Variants in SGMS2 observed in about 807,000 individuals in gnomAD.
The protein encoded by SGMS2 is phosphatidylcholine:ceramide cholinephosphotransferase 2.
SGMS2 carries 21 observed loss-of-function variants against 43.8 expected under a neutral mutation model. The ratio of observed to expected loss-of-function variants is 0.48; its 90% CI spans 0.34 to 0.69. SGMS2 has a LOEUF of 0.69. SGMS2 is among the 30% of genes least tolerant of loss of function. The probability of loss-of-function intolerance (pLI) is 0.01; values close to 1 mark genes in which losing one functional copy is unlikely to be tolerated. For synonymous variants in SGMS2, 167 were observed against 160.6 expected, an observed-to-expected ratio of 1.04 and a Z score of -0.30; for missense variants, 384 against 443.2, an observed-to-expected ratio of 0.87 and a Z score of 1.20.
In SGMS2 at chr4:107,865,968, C is replaced by CA. The variant is rs535925978; in HGVS notation, c.-245+7417dup. 1.2e-4 allele frequency among the ~76,000 whole-genome samples: 18 copies of CA among 152,218 alleles called. No homozygotes were observed. The South Asian group carries it at 3.7e-3, about 32-fold the overall frequency. ...AGATCAACCATAATATGCCAATGGC[C>CA]AATCATTTAGCATAGCCCCTTATTT... On this transcript the variant is annotated intron_variant, in intron 2 of 6. Coordinates refer to ENST00000690982, the MANE Select transcript of SGMS2 (RefSeq NM_001375905.1).
chr4:107,826,653 G>GT (rs113271634), intron 1 of SGMS2, among the ~76,000 whole-genome samples: 10,362 of 146,520 alleles, frequency 0.071, 758 homozygotes, highest in African/African-American at 0.19. Flanking sequence ...TGGTTGAAGT[G>GT]TTTTTTTTTT....
chr4:107,845,361 A>G (rs1726751944), intron 1 of SGMS2, among the ~76,000 whole-genome samples: 1 of 152,198 alleles, frequency 6.6e-6, no homozygotes, highest in African/African-American at 2.4e-5. Context: ...GAAGAGGAGC[A>G]TGTGGCCATT....
chr4:107,891,485 G>C (rs540856720), intron 2 of SGMS2, among the ~76,000 whole-genome samples: 5 of 147,458 alleles, frequency 3.4e-5, no homozygotes, highest in Admixed American at 6.6e-5. Flanking sequence ...TTCTATCCTA[G>C]TGAAGCAGCC....
At chr4:107,869,897 G>A (rs183412422) in intron 2 of SGMS2, among the ~76,000 whole-genome samples, 3 of 152,226 alleles carry the variant, frequency 2.0e-5, no homozygotes, top group South Asian at 2.1e-4. Flanking sequence ...GTCATAGGGA[G>A]CCATTTAAGG....
In SGMS2 at chr4:107,825,888, G is replaced by A. The variant is rs1281673192; in HGVS notation, c.-327+635G>A. Among the ~76,000 whole-genome samples the A allele has an allele frequency of 5.3e-5, 8 of 152,194 alleles. No individual in the cohort carries two copies. The South Asian group carries it at 6.2e-4, about 12-fold the overall frequency. ...CCTGTAGTCTTTTTTATTTATTAAT[G>A]TTGCCGGTCCTCTATTTCAAGTCTT... is the stretch of plus-strand genomic sequence containing the variant. On this transcript the variant is annotated intron_variant, in intron 1 of 6. Transcript: ENST00000690982.
intron 2 of SGMS2, among the ~76,000 whole-genome samples, chr4:107,882,141 G>T (rs1249723900): frequency 6.6e-6 from 1 of 152,098 alleles, no homozygotes; most frequent in Non-Finnish European, 1.5e-5. Context: ...TGGGATAGCT[G>T]GATCATATGG....
chr4:107,844,254 G>A (rs1726681720), intron 1 of SGMS2, among the ~76,000 whole-genome samples: 1 of 151,880 alleles, frequency 6.6e-6, no homozygotes, highest in Non-Finnish European at 1.5e-5. Flanking sequence ...AACCTGGGAG[G>A]TGGAGGTTGC....
chr4:107,881,460 A>G (rs1016233395), intron 2 of SGMS2, among the ~76,000 whole-genome samples: 5 of 147,842 alleles, frequency 3.4e-5, no homozygotes, highest in African/African-American at 2.5e-5. Flanking sequence ...ATTTCTTTTT[A>G]TTTTTTTTTT....
At chr4:107,881,617 C>G (rs1488508927) in intron 2 of SGMS2, among the ~76,000 whole-genome samples, 1 of 152,128 alleles carries the variant, frequency 6.6e-6, no homozygotes, top group Admixed American at 6.6e-5. Context: ...ATAAACATTT[C>G]AGTTATAATT....
At position 107,847,067 on chromosome 4, in the gene SGMS2, T is replaced by C. The variant is rs976687568; in HGVS notation, c.-326-11405T>C. 1.9e-3 allele frequency among the ~76,000 whole-genome samples: 288 copies of C among 152,100 alleles called. 4 individuals carry two copies. The highest frequency in any genetic ancestry group is 6.3e-3 in the African/African-American group (261 of 41,534). Reference sequence around the variant, plus strand: ...ATTTTCTCCCATTTTGTAGGTTGCCTGTTCACTCTGATGGTAGTTTCTTTT... The same window carrying C: ...ATTTTCTCCCATTTTGTAGGTTGCCCGTTCACTCTGATGGTAGTTTCTTTT... On this transcript the variant is annotated intron_variant, in intron 1 of 6. Coordinates refer to ENST00000690982, the MANE Select transcript of SGMS2 (RefSeq NM_001375905.1).
At chr4:107,851,331 G>A (rs1425339654) in intron 1 of SGMS2, among the ~76,000 whole-genome samples, 1 of 152,150 alleles carries the variant, frequency 6.6e-6, no homozygotes, top group East Asian at 1.9e-4. Context: ...GGAGGCTAGA[G>A]TAAGCAACCT....
chr4:107,896,283 C>T (rs1730669926), intron 3 of SGMS2, among the ~76,000 whole-genome samples: 1 of 152,150 alleles, frequency 6.6e-6, no homozygotes, highest in African/African-American at 2.4e-5. Context: ...TTCCTGACTT[C>T]CAGCAACTTG....
intron 1 of SGMS2, among the ~76,000 whole-genome samples, chr4:107,830,526 C>T (rs1422355250): frequency 1.3e-5 from 2 of 152,140 alleles, no homozygotes; most frequent in Non-Finnish European, 2.9e-5. Context: ...TCCCTTTTCT[C>T]TGCAACCTTG....
chr4:107,870,441 C>T (rs903744131), intron 2 of SGMS2, among the ~76,000 whole-genome samples: 5 of 152,006 alleles, frequency 3.3e-5, no homozygotes, highest in African/African-American at 1.2e-4. Context: ...AGAGGAGGTG[C>T]GTGAGTGGAA....
chr4:107,839,060 T>G (rs1044849105), intron 1 of SGMS2, among the ~76,000 whole-genome samples: 1 of 152,220 alleles, frequency 6.6e-6, no homozygotes, highest in Non-Finnish European at 1.5e-5. Context: ...GACATTTCAT[T>G]TGTACCCTGT....
chr4:107,897,534 GGTAA>G (rs752202820), intron 3 of SGMS2, among the ~76,000 whole-genome samples: 7 of 152,164 alleles, frequency 4.6e-5, no homozygotes, highest in Non-Finnish European at 5.9e-5. Flanking sequence ...TCCAGAATCT[GGTAA>G]GTATGTGGAC....
Position 107,895,479 on chromosome 4 carries a change from G to A in SGMS2, c.-75G>A. ...GTCCATGTTGATCTTGGAAATAGAA[G>A]GATTGAAAAAAGCTAAATTTCCACA... is the stretch of plus-strand genomic sequence containing the variant. On this transcript the variant is annotated 5_prime_UTR_variant, in exon 3 of 7. Transcript: ENST00000690982. 1 of 1,419,174 alleles carries A rather than the reference G, an allele frequency of 7.0e-7. No individual in the cohort carries two copies. Among genetic ancestry groups the A allele is most frequent in the Non-Finnish European group, 9.6e-7 (1 of 1,042,872 alleles). 87.9% of individuals were successfully genotyped at this position (1,419,174 alleles called of 1,614,324 possible).
At chr4:107,895,173 T>C (rs1730561955) in intron 2 of SGMS2, 137 bp from the exon 3 acceptor site, 1 of 178,282 alleles carries the variant, frequency 5.6e-6, no homozygotes, top group Non-Finnish European at 1.2e-5. Flanking sequence ...TCTCAGCAGC[T>C]TTAACTAGGT....
intron 2 of SGMS2, among the ~76,000 whole-genome samples, chr4:107,877,672 A>AT (rs1301860282): frequency 6.6e-6 from 1 of 152,168 alleles, no homozygotes; most frequent in Non-Finnish European, 1.5e-5. Context: ...TCCTGTAAAG[A>AT]TTTTTTGTGA....
Sources: allele counts gnomAD v4.1 joint callset (sites outside exome capture counted in the v4.1 genomes callset), GRCh38; gene constraint gnomAD v4.1.1; transcripts MANE v1.5; gene names NCBI Gene and HGNC (gene_info 2026-07-23, HGNC 2026-07-21).